The following FGA variants were observed in gnomAD, a reference collection of about 807,000 sequenced individuals.
FGA encodes the protein fibrinogen alpha chain, also known as fibrinogen, A alpha polypeptide.
A neutral mutation model predicts 20.3 loss-of-function variants in FGA; 20 were observed. The ratio of observed to expected loss-of-function variants is 0.99; its 90% CI spans 0.69 to 1.43. The LOEUF (loss-of-function observed/expected upper bound fraction) is 1.43. Ranked by LOEUF, FGA falls within the 40% of genes most tolerant of loss-of-function variation. The pLI is 0.00. For missense variants in FGA, 777 were observed against 784.7 expected (o/e 0.99, Z 0.12); for synonymous variants, 306 against 281.6 (o/e 1.09, Z -0.87).
Position 154,585,372 on chromosome 4 carries a change from A to G in FGA, c.*122T>C, listed in dbSNP as rs755969923. 6.0e-5 allele frequency: 62 copies of G among 1,041,990 alleles called. No homozygotes were observed. The highest frequency in any genetic ancestry group is 3.3e-5 in the Non-Finnish European group (24 of 719,834). 64.5% of individuals were successfully genotyped at this position (1,041,990 alleles called of 1,614,324 possible). On this transcript the variant is annotated 3_prime_UTR_variant, in exon 5 of 5. Transcript: ENST00000403106. The stretch of plus-strand genomic sequence containing the variant: ...GAGACAGACAAAGGCCCTGCCCCCA[A>G]GGAACTTACAGTCTAGCACAAAAAC...
At chr4:154,590,139 A>G (rs981177321) in intron 1 of FGA, among the ~76,000 whole-genome samples, 3 of 152,238 alleles carry the variant, frequency 2.0e-5, no homozygotes, top group African/African-American at 7.2e-5. Flanking sequence ...ATTTCCAAAG[A>G]TAATTCGTTT....
intron 3 of FGA, 70 bp downstream of exon 3, chr4:154,588,723 G>T: frequency 9.3e-7 from 1 of 1,075,502 alleles, no homozygotes; most frequent in Non-Finnish European, 1.4e-6. Flanking sequence ...GATATAAGCG[G>T]ATATCATATT....
At chr4:154,588,717 T>C (rs1276698822) in intron 3 of FGA, 76 bp downstream of exon 3, 3 of 1,040,164 alleles carry the variant, frequency 2.9e-6, no homozygotes, top group East Asian at 4.7e-5. Flanking sequence ...GTCATAGATA[T>C]AAGCGGATAT....
In FGA at chr4:154,586,125, G is replaced by A. The variant is rs1730706960; in HGVS notation, c.1304C>T (p.Thr435Ile). ...CCTGAGCTCTTTATCTCCTTTAGAAGTGACCAGTTTTTCTGTGTGGTACTC... is the reference window on the plus strand; with the variant it reads ...CCTGAGCTCTTTATCTCCTTTAGAAATGACCAGTTTTTCTGTGTGGTACTC... ...RREYHTEKLV[T>I]SKGDKELRTG... The change falls in exon 5 of 5, where the codon ACT becomes ATT. Residue 435 changes from threonine (T) to isoleucine (I), a missense_variant. Thr to Ile is a moderately conservative substitution (Grantham distance 89). Transcript: ENST00000403106. 1.2e-6 allele frequency: 2 copies of A among 1,614,160 alleles called. No individual in the cohort carries two copies. The highest frequency in any genetic ancestry group is 1.7e-6 in the Non-Finnish European group (2 of 1,180,022).
chr4:154,588,721 C>T (rs1343070699), intron 3 of FGA, 72 bp downstream of exon 3: 12 of 1,061,784 alleles, frequency 1.1e-5, no homozygotes, highest in East Asian at 4.7e-5. Flanking sequence ...TAGATATAAG[C>T]GGATATCATA....
intron 3 of FGA, among the ~76,000 whole-genome samples, chr4:154,588,579 T>C (rs1730792974): frequency 6.6e-6 from 1 of 152,216 alleles, no homozygotes; most frequent in South Asian, 2.1e-4. Flanking sequence ...ACTTATTTTG[T>C]GACCTTAAAC....
Position 154,587,659 on chromosome 4 carries a change from T to G in FGA, c.365-2A>C. On this transcript the variant is annotated splice_acceptor_variant, in intron 3 of 4. Transcript: ENST00000403106. LOFTEE classifies it high-confidence loss of function. ...CTCGGTTGTAGGTATTATCACGGTC[T>G]GAAATCGAAAATATGGTTATTGAAG... is the stretch of plus-strand genomic sequence containing the variant. 6.2e-7 allele frequency: 1 copy of G among 1,613,514 alleles called. No individual in the cohort carries two copies. The highest frequency in any genetic ancestry group is 8.5e-7 in the Non-Finnish European group (1 of 1,179,810).
rs754195439 is a variant in FGA, at chr4:154,586,896, C to G, written c.533G>C (p.Arg178Pro). Residue 178 changes from arginine (R) to proline (P), a missense_variant, in exon 5 of 5, where the codon CGA (arginine) becomes CCA (proline). Physicochemically the swap from Arg to Pro is moderately radical, Grantham distance 103. Transcript: ENST00000403106. ...RLEVDIDIKIRSCRGSCSRAL... is the reference protein window; with the variant it reads ...RLEVDIDIKIPSCRGSCSRAL... ...CCTACTGCATGACCCTCGACAAGAT[C>G]GGATCTTAATATCAATGTCCACCTA... 8 of 1,613,780 alleles carry G rather than the reference C, an allele frequency of 5.0e-6. No homozygotes were observed. In the East Asian group the frequency reaches 1.8e-4, roughly 36 times the overall value.
intron 3 of FGA, 142 bp from the exon 4 acceptor site, chr4:154,587,799 G>GAAAGAA (rs1730774695): frequency 1.5e-6 from 1 of 682,724 alleles, no homozygotes; most frequent in Non-Finnish European, 2.4e-6. Context: ...AAGAAAGAAA[G>GAAAGAA]AAAGAGAAAA....
chr4:154,590,561 A>C, intron 1 of FGA, 73 bp downstream of exon 1: 1 of 1,253,644 alleles, frequency 8.0e-7, no homozygotes, highest in Non-Finnish European at 1.1e-6. Flanking sequence ...GAGCAGGTAG[A>C]CTCTGACCTC....
chr4:154,589,376 C>A, intron 2 of FGA, 61 bp downstream of exon 2: 1 of 1,604,024 alleles, frequency 6.2e-7, no homozygotes, highest in Non-Finnish European at 8.5e-7. Context: ...ATCAGGTCAG[C>A]CTGTGAGCCC....
Position 154,586,546 on chromosome 4 carries a change from A to T in FGA, c.883T>A (p.Trp295Arg). 6.2e-7 allele frequency: 1 copy of T among 1,614,130 alleles called. No homozygotes were observed. The highest frequency in any genetic ancestry group is 8.5e-7 in the Non-Finnish European group (1 of 1,180,016). Residue 295 changes from tryptophan to arginine, a missense_variant, in exon 5 of 5, where the codon TGG becomes AGG. Trp to Arg is a moderately radical substitution (Grantham distance 101). Transcript: ENST00000403106. Reference sequence around the variant, plus strand: ...CCAGGTCCAGAGCTCCCAGAGTTCCAGCTTCCAGCACTGCTAGGGTTCCTG... The same window carrying T: ...CCAGGTCCAGAGCTCCCAGAGTTCCTGCTTCCAGCACTGCTAGGGTTCCTG... ...SPRNPSSAGS[W>R]NSGSSGPGST...
Position 154,590,398 on chromosome 4 carries a change from A to T in FGA, c.54+236T>A, listed in dbSNP as rs528012237. Among the ~76,000 whole-genome samples the T allele has an allele frequency of 1.4e-4, 21 of 152,324 alleles. No homozygotes were observed. The East Asian group carries it at 3.9e-3, about 28-fold the overall frequency. On this transcript the variant is annotated intron_variant, in intron 1 of 4. Coordinates refer to ENST00000403106, the MANE Select transcript of FGA (RefSeq NM_021871.4). The stretch of plus-strand genomic sequence containing the variant: ...AAAATGTGGTAAGACTGAATGACAG[A>T]TGCTAAAGTTTCCCTTGTGAGTTTG...
chr4:154,586,502 G>T lies in FGA; in HGVS notation c.927C>A (p.Asn309Lys), dbSNP rs776003123. 4 of 1,613,694 alleles carry T rather than the reference G, an allele frequency of 2.5e-6. No individual in the cohort carries two copies. The highest frequency in any genetic ancestry group is 1.3e-5 in the African/African-American group (1 of 74,878). Residue 309 changes from asparagine (N) to lysine (K), a missense_variant, in exon 5 of 5, where the codon AAC (asparagine) becomes AAA (lysine). Coordinates refer to ENST00000403106, the MANE Select transcript of FGA (RefSeq NM_021871.4). ...SSGPGSTGNRNPGSSGTGGTA... is the reference protein window; with the variant it reads ...SSGPGSTGNRKPGSSGTGGTA... ...TCCCTCCAGTCCCAGAGCTCCCAGG[G>T]TTTCGGTTTCCAGTACTTCCAGGTC...
rs2070031 is a variant in FGA, at chr4:154,586,063, T to C, written c.1366A>G (p.Thr456Ala). Residue 456 changes from threonine to alanine, a missense_variant, in exon 5 of 5, where the codon ACC becomes GCC. Thr to Ala is a moderately conservative substitution (Grantham distance 58). Transcript: ENST00000403106. ...GTTTTAGAGCATGAACGACGCGTGG[T>C]GGTTGTGCTACCAGAGGTGACCTTC... ...KEKVTSGSTTTTRRSCSKTVT... is the reference protein window; with the variant it reads ...KEKVTSGSTTATRRSCSKTVT... 759 of 1,614,134 alleles carry C rather than the reference T, an allele frequency of 4.7e-4. 1 individual carries two copies. In the African/African-American group the frequency reaches 8.6e-3, roughly 18 times the overall value.
At position 154,585,538 on chromosome 4, in the gene FGA, C is replaced by T. The variant is rs1201472249; in HGVS notation, c.1891G>A (p.Gly631Ser). Residue 631 changes from glycine (G) to serine (S), a missense_variant, in exon 5 of 5, where the codon GGT becomes AGT. Transcript: ENST00000403106. Reference sequence around the variant, plus strand: ...TTCCCCAAAGGAGAAGTGTGGATACCTCTGACAGGGCGAGATTTAGCATGG... The same window carrying T: ...TTCCCCAAAGGAGAAGTGTGGATACTTCTGACAGGGCGAGATTTAGCATGG... ...RGHAKSRPVRGIHTSPLGKPS... is the reference protein window; with the variant it reads ...RGHAKSRPVRSIHTSPLGKPS... The T allele has an allele frequency of 6.2e-7, 1 of 1,613,920 alleles. No homozygotes were observed. Among genetic ancestry groups the T allele is most frequent in the South Asian group, 1.1e-5 (1 of 91,072 alleles).
rs373105408 is a variant in FGA at position 154,590,604 on chromosome 4, A to G, written c.54+30T>C. 163 of 1,535,650 alleles carry G rather than the reference A, an allele frequency of 1.1e-4. 1 individual carries two copies. In the Middle Eastern group the frequency reaches 1.8e-3, roughly 17 times the overall value. ...TTTGTGGAATAAACACCAGAGAGAA[A>G]GCAAGAAGAAAAAATGAAAAGGGCC... On this transcript the variant is annotated intron_variant, in intron 1 of 4. Transcript: ENST00000403106.
intron 1 of FGA, among the ~76,000 whole-genome samples, 178 bp from the exon 2 acceptor site, chr4:154,589,740 C>T (rs1033032209): frequency 1.3e-5 from 2 of 152,178 alleles, no homozygotes; most frequent in Non-Finnish European, 2.9e-5. Flanking sequence ...AATCCTAGGA[C>T]CCATTTTATG....
At chr4:154,585,013 C>T (rs1326438070), downstream of FGA, among the ~76,000 whole-genome samples, 2 of 152,146 alleles carry the variant, frequency 1.3e-5, no homozygotes, top group Admixed American at 6.5e-5. Context: ...TGCAAATAAG[C>T]GGTTATTTAT....
Sources: allele counts gnomAD v4.1 joint callset (sites outside exome capture counted in the v4.1 genomes callset), GRCh38; gene constraint gnomAD v4.1.1; transcripts MANE v1.5; gene names NCBI Gene and HGNC (gene_info 2026-07-23, HGNC 2026-07-21).